Variants in CNBD1 observed in about 807,000 individuals in gnomAD.
The protein encoded by CNBD1 is cyclic nucleotide binding domain containing 1, also known as cyclic nucleotide-binding domain-containing protein 1.
In CNBD1, 71 loss-of-function variants were observed where a neutral mutation model predicts 54.4. The ratio of observed to expected loss-of-function variants is 1.30; its 90% CI spans 1.08 to 1.59. The LOEUF is 1.59. Ranked by LOEUF, CNBD1 falls within the 40% of genes most tolerant of loss-of-function variation. The pLI, the probability that CNBD1 is intolerant of heterozygous loss-of-function variation, is 0.00. For missense variants in CNBD1, 659 were observed against 518.0 expected, an observed-to-expected ratio of 1.27 and a Z score of -2.64; for synonymous variants, 182 against 170.7, an observed-to-expected ratio of 1.07 and a Z score of -0.51.
chr8:87,367,183 A>G (rs1010913490), intron 10 of CNBD1, among the ~76,000 whole-genome samples: 1 of 152,080 alleles, frequency 6.6e-6, no homozygotes, highest in African/African-American at 2.4e-5. Flanking sequence ...TTGTCCTGAC[A>G]AACTTTGAGA....
At chr8:86,992,189 T>C (rs1808764686) in intron 4 of CNBD1, among the ~76,000 whole-genome samples, 1 of 152,202 alleles carries the variant, frequency 6.6e-6, no homozygotes, top group Admixed American at 6.5e-5. Context: ...CTCTGGGTGT[T>C]CCAATGTTGG....
At chr8:87,056,717 T>C (rs973380232) in intron 4 of CNBD1, among the ~76,000 whole-genome samples, 6 of 152,104 alleles carry the variant, frequency 3.9e-5, no homozygotes, top group African/African-American at 1.4e-4. Context: ...TTTAATTATA[T>C]TGACTGATTA....
chr8:86,874,729 C>T (rs946369460), intron 1 of CNBD1, among the ~76,000 whole-genome samples: 2 of 151,810 alleles, frequency 1.3e-5, no homozygotes, highest in African/African-American at 4.8e-5. Context: ...ATAGTTTGGA[C>T]AGTGGGAGCC....
intron 4 of CNBD1, among the ~76,000 whole-genome samples, chr8:87,131,664 G>A (rs1267525855): frequency 6.6e-6 from 1 of 151,402 alleles, no homozygotes. Flanking sequence ...TCTTTGATTC[G>A]TACATCTTTT....
intron 4 of CNBD1, among the ~76,000 whole-genome samples, chr8:86,951,618 A>AT (rs1807627334): frequency 6.9e-6 from 1 of 145,626 alleles, no homozygotes; most frequent in Non-Finnish European, 1.5e-5. Flanking sequence ...AAAAAAAAAA[A>AT]AGATATTGCC....
At position 87,281,305 on chromosome 8, in the gene CNBD1, G is replaced by A. The variant is rs531101157; in HGVS notation, c.772-3373G>A. On this transcript the variant is annotated intron_variant, in intron 6 of 10. Transcript: ENST00000518476. ...TGGCCATTGAAACAAATACAAGGAG[G>A]TTGGAGGAAATTTTAATAAATATTC... Among the ~76,000 whole-genome samples the A allele has an allele frequency of 6.6e-5, 10 of 151,024 alleles. No homozygotes were observed. The South Asian group carries it at 2.1e-3, about 31-fold the overall frequency.
intron 4 of CNBD1, among the ~76,000 whole-genome samples, chr8:87,072,347 T>C (rs1810775847): frequency 1.3e-5 from 2 of 152,196 alleles, no homozygotes; most frequent in South Asian, 4.1e-4. Flanking sequence ...CCTGTCATCA[T>C]GATGCTAGCT....
intron 4 of CNBD1, among the ~76,000 whole-genome samples, chr8:87,041,715 C>T (rs1224318128): frequency 1.3e-5 from 2 of 152,078 alleles, no homozygotes; most frequent in African/African-American, 2.4e-5. Context: ...AGGAGAATGG[C>T]GTGAACCTGG....
chr8:87,374,565 A>T (rs1042047450), intron 10 of CNBD1, among the ~76,000 whole-genome samples: 1 of 151,316 alleles, frequency 6.6e-6, no homozygotes, highest in Non-Finnish European at 1.5e-5. Flanking sequence ...AGACTGAACA[A>T]CTCTCTCTTT....
At chr8:87,231,747 A>G (rs1194811749) in intron 5 of CNBD1, among the ~76,000 whole-genome samples, 1 of 152,030 alleles carries the variant, frequency 6.6e-6, no homozygotes, top group African/African-American at 2.4e-5. Context: ...AGGATTCAAT[A>G]TTTGTTTCTG....
At chr8:86,981,194 G>A (rs1175739479) in intron 4 of CNBD1, among the ~76,000 whole-genome samples, 2 of 152,202 alleles carry the variant, frequency 1.3e-5, no homozygotes, top group Non-Finnish European at 2.9e-5. Context: ...CGCGCGCATT[G>A]TGTACTCACA....
chr8:87,017,353 T>A (rs1809376402), intron 4 of CNBD1, among the ~76,000 whole-genome samples: 1 of 152,224 alleles, frequency 6.6e-6, no homozygotes, highest in African/African-American at 2.4e-5. Flanking sequence ...ATGTAAATTC[T>A]CCGCTGCATA....
intron 4 of CNBD1, among the ~76,000 whole-genome samples, chr8:87,096,343 C>CTTTTTT (rs764461082): frequency 1.7e-5 from 2 of 117,170 alleles, no homozygotes; most frequent in South Asian, 3.1e-4. Flanking sequence ...TCTCTGGTGT[C>CTTTTTT]TTTTTTTTTT....
chr8:87,015,440 C>T (rs1809335003), intron 4 of CNBD1, among the ~76,000 whole-genome samples: 1 of 152,122 alleles, frequency 6.6e-6, no homozygotes, highest in African/African-American at 2.4e-5. Flanking sequence ...CTGCCTCAGC[C>T]TCCCAAAGTG....
intron 4 of CNBD1, among the ~76,000 whole-genome samples, chr8:87,043,059 T>A (rs571872468): frequency 1.3e-5 from 2 of 152,216 alleles, no homozygotes; most frequent in Non-Finnish European, 2.9e-5. Flanking sequence ...TATGAAGATA[T>A]GTTGCAATGC....
intron 4 of CNBD1, among the ~76,000 whole-genome samples, chr8:86,956,050 G>C (rs1050922807): frequency 2.6e-5 from 4 of 152,010 alleles, no homozygotes; most frequent in Non-Finnish European, 4.4e-5. Flanking sequence ...TCTACATATG[G>C]CTAGCCGGTT....
At chr8:87,027,156 G>A (rs1809665857) in intron 4 of CNBD1, among the ~76,000 whole-genome samples, 1 of 149,706 alleles carries the variant, frequency 6.7e-6, no homozygotes, top group Non-Finnish European at 1.5e-5. Flanking sequence ...ACTTCTGATA[G>A]TAATACAAAC....
chr8:87,247,068 A>T (rs1807821092), intron 6 of CNBD1, among the ~76,000 whole-genome samples: 1 of 152,032 alleles, frequency 6.6e-6, no homozygotes, highest in South Asian at 2.1e-4. Context: ...CAAAGGTAGG[A>T]TATTGGAAAC....
chr8:87,190,394 T>A (rs1222948834), intron 4 of CNBD1, among the ~76,000 whole-genome samples: 1 of 152,142 alleles, frequency 6.6e-6, no homozygotes, highest in Non-Finnish European at 1.5e-5. Flanking sequence ...CTACCATTAT[T>A]TTTCCAGGTT....
Sources: allele counts gnomAD v4.1 joint callset (sites outside exome capture counted in the v4.1 genomes callset), GRCh38; gene constraint gnomAD v4.1.1; transcripts MANE v1.5; gene names NCBI Gene and HGNC (gene_info 2026-07-23, HGNC 2026-07-21).